Variants in TNRC6A observed in about 807,000 individuals in gnomAD.
TNRC6A encodes trinucleotide repeat containing adaptor 6A, also known as trinucleotide repeat-containing gene 6A protein.
A neutral mutation model predicts 221.2 loss-of-function variants in TNRC6A; 44 were observed. The observed-to-expected ratio is 0.20, with a 90% CI of 0.16 to 0.26. The LOEUF (loss-of-function observed/expected upper bound fraction) is 0.26. TNRC6A is among the 10% of genes least tolerant of loss of function. The probability of loss-of-function intolerance (pLI) is 1.00; values close to 1 mark genes in which losing one functional copy is unlikely to be tolerated. For synonymous variants in TNRC6A, 847 were observed against 838.5 expected, an observed-to-expected ratio of 1.01 and a Z score of -0.18; for missense variants, 2,199 against 2,404.4, an observed-to-expected ratio of 0.91 and a Z score of 1.79.
At chr16:24,726,225 AAG>A (rs1440060337), upstream of TNRC6A, among the ~76,000 whole-genome samples, 1 of 152,144 alleles carries the variant, frequency 6.6e-6, no homozygotes, top group Non-Finnish European at 1.5e-5. Context: ...ACTTAAATAC[AAG>A]AGAATAAATG....
At chr16:24,758,152 G>A (rs932835273) in intron 3 of TNRC6A, among the ~76,000 whole-genome samples, 187 bp from the exon 4 acceptor site, 1 of 151,980 alleles carries the variant, frequency 6.6e-6, no homozygotes, top group Non-Finnish European at 1.5e-5. Flanking sequence ...AGGGATAATG[G>A]GGCACATCTG....
chr16:24,623,174 T>TTTAC (rs1357129919), intron 1 of TNRC6A, among the ~76,000 whole-genome samples: 3 of 140,986 alleles, frequency 2.1e-5, no homozygotes, highest in Admixed American at 7.0e-5. Context: ...TATTTATTTA[T>TTTAC]TTATTTATTT....
intron 3 of TNRC6A, 113 bp from the exon 4 acceptor site, chr16:24,758,226 T>A: frequency 9.6e-7 from 1 of 1,046,556 alleles, no homozygotes; most frequent in Non-Finnish European, 1.4e-6. Flanking sequence ...AGAAATTCCT[T>A]GTTTAATAAA....
At chr16:24,757,049 C>A (rs1423207522) in intron 3 of TNRC6A, among the ~76,000 whole-genome samples, 1 of 152,146 alleles carries the variant, frequency 6.6e-6, no homozygotes, top group East Asian at 1.9e-4. Flanking sequence ...TTTCTACTCT[C>A]AGATTTTAAA....
chr16:24,660,118 T>C (rs1730157396), intron 2 of TNRC6A, among the ~76,000 whole-genome samples: 1 of 152,126 alleles, frequency 6.6e-6, no homozygotes, highest in Admixed American at 6.6e-5. Context: ...GAACAGGTAG[T>C]GTTTGGTTAC....
At chr16:24,618,641 A>T (rs1482378287) in intron 1 of TNRC6A, among the ~76,000 whole-genome samples, 1 of 129,470 alleles carries the variant, frequency 7.7e-6, no homozygotes, top group Non-Finnish European at 1.6e-5. Flanking sequence ...CCATTTCATG[A>T]ATTTTTTTTT....
intron 2 of TNRC6A, among the ~76,000 whole-genome samples, chr16:24,656,152 A>AAAAAG (rs958174881): frequency 1.6e-4 from 24 of 150,790 alleles, no homozygotes; most frequent in African/African-American, 5.1e-4. Flanking sequence ...AAAAAAAAAA[A>AAAAAG]AAAAGAAAAG....
chr16:24,810,734 C>T (rs2058525437), intron 18 of TNRC6A, among the ~76,000 whole-genome samples: 1 of 152,056 alleles, frequency 6.6e-6, no homozygotes, highest in East Asian at 1.9e-4. Context: ...AGGTGTGGTG[C>T]AAATCATGGA....
In TNRC6A at chr16:24,818,646, A is replaced by G. The variant is rs764135562; in HGVS notation, c.5026A>G (p.Ile1676Val). 2 of 1,614,138 alleles carry G rather than the reference A, an allele frequency of 1.2e-6. No individual in the cohort carries two copies. Among genetic ancestry groups the G allele is most frequent in the Non-Finnish European group, 1.7e-6 (2 of 1,180,032 alleles). ...GCCTTCAACTAGTGCCTGGTCATCC[A>G]TTCGTGCCTCCAACTACAACGTTCC... ...TLPSTSAWSS[I>V]RASNYNVPLS... The change falls in exon 21 of 25, where the codon ATT becomes GTT. Residue 1676 changes from isoleucine (I) to valine (V), a missense_variant. Ile to Val is a conservative substitution (Grantham distance 29). Coordinates refer to ENST00000395799, the MANE Select transcript of TNRC6A (RefSeq NM_014494.4).
At chr16:24,669,329 A>T (rs1192985147) in intron 2 of TNRC6A, among the ~76,000 whole-genome samples, 2 of 152,018 alleles carry the variant, frequency 1.3e-5, no homozygotes, top group East Asian at 3.9e-4. Context: ...TCTCTACAAA[A>T]AATTTAAATA....
chr16:24,709,981 A>G (rs561362685), intron 2 of TNRC6A, among the ~76,000 whole-genome samples: 1 of 152,264 alleles, frequency 6.6e-6, no homozygotes, highest in South Asian at 2.1e-4. Flanking sequence ...TAATCCCAGC[A>G]CTTTGAGAGC....
intron 4 of TNRC6A, 137 bp downstream of exon 4, chr16:24,758,497 C>T: frequency 1.2e-6 from 1 of 863,240 alleles, no homozygotes; most frequent in South Asian, 1.6e-5. Context: ...CAGTAACATA[C>T]CCTGGGGTCG....
At chr16:24,709,615 A>G (rs1045303872) in intron 2 of TNRC6A, among the ~76,000 whole-genome samples, 1 of 151,774 alleles carries the variant, frequency 6.6e-6, no homozygotes, top group Non-Finnish European at 1.5e-5. Flanking sequence ...CTTAGAGGCC[A>G]GGAGTTCCAG....
intron 18 of TNRC6A, among the ~76,000 whole-genome samples, chr16:24,814,762 C>T (rs1246365433): frequency 6.6e-6 from 1 of 152,046 alleles, no homozygotes; most frequent in African/African-American, 2.4e-5. Context: ...ACTTATAATT[C>T]GGTGTCTTTT....
intron 2 of TNRC6A, among the ~76,000 whole-genome samples, chr16:24,656,328 A>T (rs1393944309): frequency 6.6e-6 from 1 of 151,708 alleles, no homozygotes; most frequent in East Asian, 1.9e-4. Flanking sequence ...TTAGCTGGGC[A>T]TGGTGGCGCA....
intron 2 of TNRC6A, among the ~76,000 whole-genome samples, chr16:24,717,991 T>C (rs1171046433): frequency 1.3e-5 from 2 of 152,062 alleles, no homozygotes; most frequent in Non-Finnish European, 2.9e-5. Context: ...TTGGCCAGGC[T>C]GGTCTCGAAC....
At chr16:24,682,482 C>A (rs969894649) in intron 2 of TNRC6A, among the ~76,000 whole-genome samples, 1 of 151,502 alleles carries the variant, frequency 6.6e-6, no homozygotes, top group Admixed American at 6.6e-5. Context: ...CCTGCCTCGG[C>A]CTCCCTAAGT....
rs1015326619 is a variant in TNRC6A, at chr16:24,764,335, T to G, written c.163+5975T>G. Reference sequence around the variant, plus strand: ...ACAATTTCTTCTTTTCTTTTCTTTTTTTTTTTTTTGAGACAGAGTCTTGCT... The same window carrying G: ...ACAATTTCTTCTTTTCTTTTCTTTTGTTTTTTTTTGAGACAGAGTCTTGCT... On this transcript the variant is annotated intron_variant, in intron 4 of 24. Transcript: ENST00000395799. 5.9e-5 allele frequency among the ~76,000 whole-genome samples: 9 copies of G among 151,734 alleles called. No individual in the cohort carries two copies. In the East Asian group the frequency reaches 1.7e-3, roughly 29 times the overall value.
At chr16:24,668,749 C>T (rs1185583602) in intron 2 of TNRC6A, among the ~76,000 whole-genome samples, 2 of 152,182 alleles carry the variant, frequency 1.3e-5, no homozygotes, top group Non-Finnish European at 2.9e-5. Flanking sequence ...GAACATGGAA[C>T]ATTTGATGTC....
Sources: gnomAD v4.1 joint callset for allele counts (sites outside exome capture counted in the v4.1 genomes callset) on GRCh38, gnomAD v4.1.1 for gene constraint, MANE v1.5 for transcripts, NCBI Gene and HGNC (gene_info 2026-07-23, HGNC 2026-07-21) for gene names.